Variants in STXBP5L observed in about 807,000 individuals in gnomAD.
The protein encoded by STXBP5L is syntaxin-binding protein 5-like.
STXBP5L carries 65 observed loss-of-function variants against 144.5 expected under a neutral mutation model. The ratio of observed to expected loss-of-function variants is 0.45; its 90% CI spans 0.37 to 0.55. The LOEUF (loss-of-function observed/expected upper bound fraction) is 0.55, where lower values mean the gene tolerates loss of function less well. STXBP5L is among the 20% of genes least tolerant of loss of function. The pLI, the probability that STXBP5L is intolerant of heterozygous loss-of-function variation, is 0.00. For synonymous variants in STXBP5L, 505 were observed against 469.6 expected (o/e 1.08, Z -0.97); for missense variants, 1,298 against 1,405.5 (o/e 0.92, Z 1.22).
intron 10 of STXBP5L, among the ~76,000 whole-genome samples, chr3:121,217,347 C>G (rs117076188): frequency 2.0e-5 from 3 of 152,094 alleles, no homozygotes; most frequent in Non-Finnish European, 4.4e-5. Flanking sequence ...CTGCGGGTTG[C>G]GAAGACCATG....
Position 121,058,261 on chromosome 3 carries a change from T to G in STXBP5L, c.470+12726T>G, listed in dbSNP as rs145953658. Among the ~76,000 whole-genome samples, 15 of 152,294 alleles carry G rather than the reference T, an allele frequency of 9.8e-5. No homozygotes were observed. In the East Asian group the frequency reaches 2.9e-3, roughly 29 times the overall value. ...TGTTCTTGTGTTAGTTTGCTGAGAA[T>G]CGTGGTTTCCAGCTTCATCCATGTC... is the stretch of plus-strand genomic sequence containing the variant. On this transcript the variant is annotated intron_variant, in intron 5 of 26. Coordinates refer to ENST00000471454, the MANE Select transcript of STXBP5L (RefSeq NM_001308330.2).
chr3:121,141,424 CTT>C (rs2045499556), intron 7 of STXBP5L, among the ~76,000 whole-genome samples: 1 of 151,670 alleles, frequency 6.6e-6, no homozygotes, highest in African/African-American at 2.4e-5. Context: ...ATGTGTAAAA[CTT>C]ATTGCTAAGG....
intron 10 of STXBP5L, among the ~76,000 whole-genome samples, chr3:121,212,868 T>G (rs960118023): frequency 1.2e-4 from 19 of 152,226 alleles, no homozygotes; most frequent in African/African-American, 4.6e-4. Flanking sequence ...TTTCCATTTG[T>G]TTGTATTCTC....
chr3:121,344,362 C>G (rs1360533929), intron 20 of STXBP5L, among the ~76,000 whole-genome samples: 1 of 152,016 alleles, frequency 6.6e-6, no homozygotes, highest in Non-Finnish European at 1.5e-5. Context: ...GTGTAAAACA[C>G]CAAAAGCAAT....
intron 18 of STXBP5L, among the ~76,000 whole-genome samples, chr3:121,275,093 C>T (rs2050841511): frequency 6.6e-6 from 1 of 152,148 alleles, no homozygotes; most frequent in African/African-American, 2.4e-5. Flanking sequence ...CTCATCTGTT[C>T]TACCAATATC....
At chr3:121,385,360 A>G (rs2046404368) in intron 22 of STXBP5L, among the ~76,000 whole-genome samples, 1 of 152,160 alleles carries the variant, frequency 6.6e-6, no homozygotes, top group South Asian at 2.1e-4. Context: ...GAGGTACCAC[A>G]TAATTTTAAA....
At chr3:120,991,258 A>G (rs1173592620) in intron 3 of STXBP5L, among the ~76,000 whole-genome samples, 1 of 151,808 alleles carries the variant, frequency 6.6e-6, no homozygotes, top group East Asian at 1.9e-4. Flanking sequence ...CATCAGAGAA[A>G]TGCAAATCAA....
At chr3:121,416,998 G>A (rs1345457597) in intron 25 of STXBP5L, among the ~76,000 whole-genome samples, 3 of 152,088 alleles carry the variant, frequency 2.0e-5, no homozygotes, top group Non-Finnish European at 2.9e-5. Flanking sequence ...AAGGAATGAC[G>A]TACTGATACA....
intron 9 of STXBP5L, among the ~76,000 whole-genome samples, chr3:121,186,435 T>C (rs964432880): frequency 9.9e-5 from 15 of 152,180 alleles, no homozygotes; most frequent in Admixed American, 6.5e-5. Flanking sequence ...TGGGTTTGTC[T>C]TAGGTAGCTC....
chr3:121,342,086 T>C (rs931799784), intron 20 of STXBP5L, among the ~76,000 whole-genome samples: 4 of 152,010 alleles, frequency 2.6e-5, no homozygotes, highest in Non-Finnish European at 4.4e-5. Context: ...TGTATCAATA[T>C]ATGTCATGTA....
At chr3:121,191,952 G>C (rs967709263) in intron 9 of STXBP5L, among the ~76,000 whole-genome samples, 1 of 151,568 alleles carries the variant, frequency 6.6e-6, no homozygotes, top group Non-Finnish European at 1.5e-5. Context: ...GTTTTGGGGT[G>C]GGGGATGGGG....
At chr3:121,024,004 C>T (rs184027948) in intron 3 of STXBP5L, among the ~76,000 whole-genome samples, 2 of 152,166 alleles carry the variant, frequency 1.3e-5, no homozygotes, top group African/African-American at 2.4e-5. Context: ...GTGATACGCC[C>T]GCCTTGGCCT....
intron 3 of STXBP5L, among the ~76,000 whole-genome samples, chr3:120,978,948 G>C (rs1458376206): frequency 6.6e-6 from 1 of 152,166 alleles, no homozygotes; most frequent in Admixed American, 6.5e-5. Context: ...GTGTCAGTCT[G>C]CCCTTACTGG....
chr3:121,303,086 G>T (rs2051988516), intron 19 of STXBP5L, among the ~76,000 whole-genome samples: 1 of 152,126 alleles, frequency 6.6e-6, no homozygotes, highest in Non-Finnish European at 1.5e-5. Context: ...CCATCAGAGT[G>T]AACAGGCAAC....
At chr3:121,185,701 C>G (rs1402107830) in intron 9 of STXBP5L, among the ~76,000 whole-genome samples, 1 of 152,234 alleles carries the variant, frequency 6.6e-6, no homozygotes, top group East Asian at 1.9e-4. Flanking sequence ...GTTACTATAG[C>G]CTTGTAGCAT....
chr3:121,279,692 C>A, intron 18 of STXBP5L, 113 bp from the exon 19 acceptor site: 1 of 1,293,116 alleles, frequency 7.7e-7, no homozygotes, highest in Non-Finnish European at 1.1e-6. Context: ...AAATCACTGC[C>A]CAACTTCCCC....
At chr3:120,948,665 C>G (rs1016087283) in intron 2 of STXBP5L, among the ~76,000 whole-genome samples, 1 of 151,908 alleles carries the variant, frequency 6.6e-6, no homozygotes, top group Non-Finnish European at 1.5e-5. Context: ...TTTGGTTTTT[C>G]ATTCCTGAGT....
At chr3:121,112,764 C>T (rs2044049650) in intron 5 of STXBP5L, among the ~76,000 whole-genome samples, 1 of 151,846 alleles carries the variant, frequency 6.6e-6, no homozygotes, top group Admixed American at 6.6e-5. Flanking sequence ...GGCTTACATG[C>T]AGTAGAAAAA....
chr3:121,001,460 A>G (rs1943768778), intron 3 of STXBP5L, among the ~76,000 whole-genome samples: 1 of 152,218 alleles, frequency 6.6e-6, no homozygotes, highest in South Asian at 2.1e-4. Context: ...CACCTGGAAC[A>G]GTGTGGTGAG....
Sources: gnomAD v4.1 joint callset for allele counts (sites outside exome capture counted in the v4.1 genomes callset) on GRCh38, gnomAD v4.1.1 for gene constraint, MANE v1.5 for transcripts, NCBI Gene and HGNC (gene_info 2026-07-23, HGNC 2026-07-21) for gene names.